CBFA2T3: variants seen among roughly 807,000 people sequenced by gnomAD.
The protein encoded by CBFA2T3 is transcriptional corepressor CBFA2T3.
A neutral mutation model predicts 58.6 loss-of-function variants in CBFA2T3; 31 were observed. The ratio of observed to expected loss-of-function variants is 0.53; its 90% CI spans 0.40 to 0.71. The LOEUF (loss-of-function observed/expected upper bound fraction) is 0.71. Ranked by LOEUF, CBFA2T3 falls within the 30% of genes least tolerant of loss-of-function variation. The pLI is 0.00. For synonymous variants in CBFA2T3, 531 were observed against 421.9 expected (o/e 1.26, Z -3.17); for missense variants, 1,076 against 963.1 (o/e 1.12, Z -1.55).
intron 1 of CBFA2T3, among the ~76,000 whole-genome samples, chr16:88,934,212 C>G (rs12932153): frequency 1.2e-3 from 165 of 132,370 alleles, no homozygotes; most frequent in African/African-American, 5.6e-3. Flanking sequence ...ACGGAGGCAC[C>G]GGCGAGAAGG....
chr16:88,880,282 G>A (rs1969014988), intron 10 of CBFA2T3, among the ~76,000 whole-genome samples: 1 of 152,050 alleles, frequency 6.6e-6, no homozygotes, highest in Admixed American at 6.6e-5. Flanking sequence ...CACATATCTG[G>A]CTCTGCCCCA....
intron 1 of CBFA2T3, among the ~76,000 whole-genome samples, chr16:88,918,255 C>A (rs184667582): frequency 6.6e-6 from 1 of 152,240 alleles, no homozygotes; most frequent in East Asian, 1.9e-4. Flanking sequence ...TTTTTTGACA[C>A]TGAGGCACCA....
intron 1 of CBFA2T3, among the ~76,000 whole-genome samples, chr16:88,975,176 C>CCTGACCTG (rs1567643956): frequency 2.0e-5 from 2 of 100,220 alleles, no homozygotes; most frequent in African/African-American, 4.8e-5. Flanking sequence ...CCTCTCTGCT[C>CCTGACCTG]CACATCTTTA....
At chr16:88,913,014 T>C (rs1970579098) in intron 1 of CBFA2T3, among the ~76,000 whole-genome samples, 1 of 152,254 alleles carries the variant, frequency 6.6e-6, no homozygotes, top group African/African-American at 2.4e-5. Context: ...ATGGCCTCGA[T>C]TTCCCACCCT....
At chr16:88,896,144 T>C (rs1232114743) in intron 3 of CBFA2T3, among the ~76,000 whole-genome samples, 1 of 152,162 alleles carries the variant, frequency 6.6e-6, no homozygotes, top group Non-Finnish European at 1.5e-5. Flanking sequence ...CCACACCTAG[T>C]GGAATTCTGG....
In CBFA2T3 at chr16:88,875,660, G is replaced by C. The variant is rs1666701952; in HGVS notation, c.*1316C>G. 1 of 233,794 alleles carries C rather than the reference G, an allele frequency of 4.3e-6. No individual in the cohort carries two copies. Among genetic ancestry groups the C allele is most frequent in the Non-Finnish European group, 8.5e-6 (1 of 118,200 alleles). The allele number at this position is 233,794 out of a possible 1,614,324, so 14.5% of individuals were successfully genotyped here. On this transcript the variant is annotated 3_prime_UTR_variant, in exon 12 of 12. Transcript: ENST00000268679. ...GAGAGGTCGGAGGGCGCGGAGAGGA[G>C]AGAGGTAGAGGAGGACGGGCTGGCC...
At chr16:88,939,902 A>G (rs2142801738) in intron 1 of CBFA2T3, 1 of 152,324 alleles carries the variant, frequency 6.6e-6, no homozygotes, top group East Asian at 1.9e-4. Flanking sequence ...AACCTCTCAG[A>G]AACTTGAAGG....
At chr16:88,957,337 A>T (rs1972243746) in intron 1 of CBFA2T3, among the ~76,000 whole-genome samples, 1 of 152,222 alleles carries the variant, frequency 6.6e-6, no homozygotes. Flanking sequence ...GGCAGATGCC[A>T]CTGCCTTTCA....
chr16:88,881,150 T>C (rs761247548), intron 9 of CBFA2T3, 141 bp downstream of exon 9: 2 of 830,726 alleles, frequency 2.4e-6, no homozygotes, highest in South Asian at 2.9e-5. Flanking sequence ...CGTGTTTTCC[T>C]ACAAAGTGAA....
chr16:88,902,372 G>T (rs1201666437), intron 1 of CBFA2T3: 1 of 152,286 alleles, frequency 6.6e-6, no homozygotes, highest in Non-Finnish European at 1.5e-5. Flanking sequence ...GCCCCCGGCA[G>T]GTGGTAACGC....
intron 1 of CBFA2T3, among the ~76,000 whole-genome samples, chr16:88,956,984 C>T (rs914230837): frequency 1.3e-4 from 19 of 142,462 alleles, no homozygotes; most frequent in Non-Finnish European, 2.8e-4. Flanking sequence ...GAGACTGCGG[C>T]AGCCTGAAGT....
Position 88,970,953 on chromosome 16 carries a change from G to A in CBFA2T3, c.151+5704C>T, listed in dbSNP as rs374871441. Reference sequence around the variant, plus strand: ...GAGGTCGGTCGGGAGGGGGCTCCTCGGCGAGGGCATAGCACAGGCACGGGC... The same window carrying A: ...GAGGTCGGTCGGGAGGGGGCTCCTCAGCGAGGGCATAGCACAGGCACGGGC... On this transcript the variant is annotated intron_variant, in intron 1 of 11. Coordinates refer to ENST00000268679, the MANE Select transcript of CBFA2T3 (RefSeq NM_005187.6). Among the ~76,000 whole-genome samples, 112 of 152,234 alleles carry A rather than the reference G, an allele frequency of 7.4e-4. 2 individuals are homozygous for A. In the South Asian group the frequency reaches 0.022, roughly 30 times the overall value.
intron 1 of CBFA2T3, among the ~76,000 whole-genome samples, chr16:88,945,409 C>T (rs1971876344): frequency 1.3e-5 from 2 of 152,196 alleles, no homozygotes; most frequent in Admixed American, 1.3e-4. Flanking sequence ...ATTTGGGAAA[C>T]ACATATCTGA....
In CBFA2T3 at chr16:88,976,676, A is replaced by AC; in HGVS notation, c.131dup (p.Pro45SerfsTer14). On this transcript the variant is annotated frameshift_variant, in exon 1 of 12. Transcript: ENST00000268679. LOFTEE classifies it high-confidence loss of function. ...TCTTACCTGGGCCGCCCTTCCTGGG[A>AC]CCCCGGGGTGCGGAGCAGCCGGCAG... 1 of 1,563,110 alleles carries AC rather than the reference A, an allele frequency of 6.4e-7. No homozygotes were observed. Among genetic ancestry groups the AC allele is most frequent in the Non-Finnish European group, 8.7e-7 (1 of 1,153,766 alleles).
intron 1 of CBFA2T3, among the ~76,000 whole-genome samples, chr16:88,959,762 A>T (rs1311388263): frequency 6.6e-6 from 1 of 152,200 alleles, no homozygotes; most frequent in Non-Finnish European, 1.5e-5. Context: ...AAAGATCATT[A>T]AGCCTGTCAT....
intron 1 of CBFA2T3, among the ~76,000 whole-genome samples, chr16:88,956,923 C>T (rs1329128211): frequency 6.6e-6 from 1 of 152,246 alleles, no homozygotes; most frequent in African/African-American, 2.4e-5. Flanking sequence ...CTGTACTTTG[C>T]CAGGGCCTCT....
chr16:88,971,870 A>G (rs1221773999), intron 1 of CBFA2T3, among the ~76,000 whole-genome samples: 1 of 152,192 alleles, frequency 6.6e-6, no homozygotes, highest in East Asian at 1.9e-4. Context: ...AACTGCAGTC[A>G]CGGAAGTGAA....
intron 1 of CBFA2T3, among the ~76,000 whole-genome samples, chr16:88,975,266 G>A (rs1328962442): frequency 2.4e-5 from 2 of 84,930 alleles, no homozygotes; most frequent in Non-Finnish European, 5.8e-5. Context: ...TCTGTTTCAT[G>A]CCTCTAGCCA....
At chr16:88,924,206 A>G (rs1402841448) in intron 1 of CBFA2T3, among the ~76,000 whole-genome samples, 22 of 152,156 alleles carry the variant, frequency 1.4e-4, no homozygotes, top group Admixed American at 1.4e-3. Context: ...GCTGAGTCCC[A>G]GTGAGCCTGA....
Sources: allele counts gnomAD v4.1 joint callset (sites outside exome capture counted in the v4.1 genomes callset), GRCh38; gene constraint gnomAD v4.1.1; transcripts MANE v1.5; gene names NCBI Gene and HGNC (gene_info 2026-07-23, HGNC 2026-07-21).